The following CSMD1 variants were observed in gnomAD, a reference collection of about 807,000 sequenced individuals.
CSMD1 encodes CUB and Sushi multiple domains 1.
A neutral mutation model predicts 417.5 loss-of-function variants in CSMD1; 213 were observed. The observed-to-expected ratio is 0.51, with a 90% confidence interval of 0.46 to 0.57. CSMD1 has a LOEUF of 0.57. Among genes scored for constraint, CSMD1 ranks in the 20% least tolerant of loss-of-function variants. CSMD1 has a pLI of 0.00. For missense variants in CSMD1, 6,923 were observed against 4,529.7 expected, an observed-to-expected ratio of 1.53 and a Z score of -15.17; for synonymous variants, 2,862 against 1,736.8, an observed-to-expected ratio of 1.65 and a Z score of -16.11.
chr8:3,708,538 A>G (rs773562998), intron 6 of CSMD1, 47 bp from the exon 7 acceptor site: 2 of 1,528,086 alleles, frequency 1.3e-6, no homozygotes, highest in Admixed American at 3.3e-5. Flanking sequence ...CTTGGAGATC[A>G]TAAAACCATG....
intron 3 of CSMD1, among the ~76,000 whole-genome samples, chr8:4,345,127 G>C (rs567177514): frequency 1.6e-4 from 24 of 152,114 alleles, no homozygotes; most frequent in Non-Finnish European, 2.9e-4. Context: ...AAACCTGTCA[G>C]TAATTTCGGA....
chr8:4,225,035 C>T (rs770720807), intron 3 of CSMD1, among the ~76,000 whole-genome samples: 2 of 152,148 alleles, frequency 1.3e-5, no homozygotes, highest in Non-Finnish European at 2.9e-5. Context: ...TCGCTTGAAC[C>T]CTAGAGGCAG....
chr8:3,219,287 A>G lies in CSMD1; in HGVS notation c.4640T>C (p.Val1547Ala). The G allele has an allele frequency of 6.3e-7, 1 of 1,595,120 alleles. No homozygotes were observed. ...TTCAATGGCGAACCCTGAAAGGCCC[A>G]CGGAGGCATCACTCCGAAATGCCAG... ...LFLAFRSDAS[V>A]GLSGFAIEFK... The change falls in exon 29 of 70, where the codon GTG becomes GCG. Residue 1547 changes from valine to alanine, a missense_variant. Val to Ala is a moderately conservative substitution (Grantham distance 64). Transcript: ENST00000635120.
At chr8:3,636,251 C>T (rs1354789824) in intron 7 of CSMD1, among the ~76,000 whole-genome samples, 1 of 152,168 alleles carries the variant, frequency 6.6e-6, no homozygotes, top group Non-Finnish European at 1.5e-5. Flanking sequence ...TTTTCTAGGA[C>T]AACGATGCCT....
intron 2 of CSMD1, among the ~76,000 whole-genome samples, chr8:4,572,427 G>C (rs187144038): frequency 3.3e-5 from 5 of 152,290 alleles, no homozygotes; most frequent in East Asian, 1.9e-4. Flanking sequence ...TTTTCTTCAA[G>C]AATGTTGAAT....
At chr8:4,435,203 A>G (rs1158847092) in intron 2 of CSMD1, among the ~76,000 whole-genome samples, 1 of 152,212 alleles carries the variant, frequency 6.6e-6, no homozygotes, top group Non-Finnish European at 1.5e-5. Flanking sequence ...ACACAAGTAC[A>G]TCAGCCAATC....
intron 2 of CSMD1, among the ~76,000 whole-genome samples, chr8:4,544,656 A>G (rs1797554222): frequency 6.6e-6 from 1 of 152,234 alleles, no homozygotes; most frequent in South Asian, 2.1e-4. Context: ...AAGATGCATT[A>G]ACGTATTCCA....
At chr8:3,356,588 T>G (rs921499202) in intron 21 of CSMD1, among the ~76,000 whole-genome samples, 1 of 152,126 alleles carries the variant, frequency 6.6e-6, no homozygotes, top group Admixed American at 6.6e-5. Context: ...GGCAGGAGAA[T>G]TGCTTGAACC....
At chr8:3,916,499 G>T (rs917376564) in intron 5 of CSMD1, among the ~76,000 whole-genome samples, 4 of 152,172 alleles carry the variant, frequency 2.6e-5, no homozygotes, top group African/African-American at 9.6e-5. Context: ...CTGATAAATG[G>T]GAATTAACTT....
intron 2 of CSMD1, among the ~76,000 whole-genome samples, chr8:4,510,380 G>A (rs1585182681): frequency 3.2e-5 from 1 of 31,564 alleles, no homozygotes; most frequent in Admixed American, 3.5e-4. Flanking sequence ...CAATTAAAAA[G>A]CATAATGCCT....
chr8:4,017,204 T>C (rs996702970), intron 4 of CSMD1, among the ~76,000 whole-genome samples: 4 of 152,168 alleles, frequency 2.6e-5, no homozygotes, highest in African/African-American at 9.7e-5. Context: ...TTTTTTAAAG[T>C]TTTTTCTACT....
chr8:4,028,821 C>T (rs1001258663), intron 4 of CSMD1, among the ~76,000 whole-genome samples: 2 of 152,138 alleles, frequency 1.3e-5, no homozygotes, highest in Non-Finnish European at 2.9e-5. Context: ...ATTAAGACCT[C>T]AATAAATGTT....
intron 1 of CSMD1, among the ~76,000 whole-genome samples, chr8:4,840,634 A>G (rs1011588898): frequency 1.3e-5 from 2 of 152,230 alleles, no homozygotes; most frequent in Admixed American, 6.5e-5. Flanking sequence ...CCGAATGAGC[A>G]TTGCTATACT....
rs527867268 is a variant in CSMD1 at position 3,519,756 on chromosome 8, A to G, written c.1345-26030T>C. On this transcript the variant is annotated intron_variant, in intron 10 of 69. Coordinates refer to ENST00000635120, the MANE Select transcript of CSMD1 (RefSeq NM_033225.6). Reference sequence around the variant, plus strand: ...TTTTCTGTGATATGTGTAAAGATAGAAAGTTGGCTGTATGGAACACTTGCA... The same window carrying G: ...TTTTCTGTGATATGTGTAAAGATAGGAAGTTGGCTGTATGGAACACTTGCA... Among the ~76,000 whole-genome samples, 330 of 152,284 alleles carry G rather than the reference A, an allele frequency of 2.2e-3. 2 individuals are homozygous for G. The highest frequency in any genetic ancestry group is 7.7e-3 in the African/African-American group (319 of 41,556).
intron 2 of CSMD1, among the ~76,000 whole-genome samples, chr8:4,583,718 A>C (rs971697581): frequency 6.6e-6 from 1 of 152,110 alleles, no homozygotes; most frequent in African/African-American, 2.4e-5. Flanking sequence ...TTGTAAACAC[A>C]CCAGTCAGCA....
intron 1 of CSMD1, among the ~76,000 whole-genome samples, chr8:4,727,627 G>A (rs1248029038): frequency 4.0e-5 from 6 of 151,826 alleles, no homozygotes; most frequent in East Asian, 1.9e-4. Flanking sequence ...TTATATTTCC[G>A]TGATCTGGTT....
intron 5 of CSMD1, among the ~76,000 whole-genome samples, chr8:3,820,057 A>G (rs73658290): frequency 0.023 from 3,557 of 152,300 alleles, 142 homozygotes; most frequent in African/African-American, 0.08. Context: ...ATTCGAGTAC[A>G]TTTCCACTTA....
chr8:4,566,132 T>C (rs985045081), intron 2 of CSMD1, among the ~76,000 whole-genome samples: 16 of 152,164 alleles, frequency 1.1e-4, no homozygotes, highest in Admixed American at 6.6e-5. Flanking sequence ...CATCACATGA[T>C]GTGAAGATAA....
intron 6 of CSMD1, among the ~76,000 whole-genome samples, chr8:3,721,827 T>C (rs534544894): frequency 1.1e-4 from 17 of 152,244 alleles, no homozygotes; most frequent in Non-Finnish European, 1.5e-4. Flanking sequence ...AGAAATTAAT[T>C]ACAGGGAGTT....
Sources: allele counts gnomAD v4.1 joint callset (sites outside exome capture counted in the v4.1 genomes callset), GRCh38; gene constraint gnomAD v4.1.1; transcripts MANE v1.5; gene names NCBI Gene and HGNC (gene_info 2026-07-23, HGNC 2026-07-21).